PGBD5: variants seen among roughly 807,000 people sequenced by gnomAD.
PGBD5 encodes the protein piggyBac transposable element derived 5.
In PGBD5, 14 loss-of-function variants were observed where a neutral mutation model predicts 47.9. The ratio of observed to expected loss-of-function variants is 0.29; its 90% CI spans 0.19 to 0.46. PGBD5 has a LOEUF of 0.46. Ranked by LOEUF, PGBD5 falls within the 20% of genes least tolerant of loss-of-function variation. The probability of loss-of-function intolerance (pLI) is 1.00; values close to 1 mark genes in which losing one functional copy is unlikely to be tolerated. For missense variants in PGBD5, 635 were observed against 716.0 expected, an observed-to-expected ratio of 0.89 and a Z score of 1.29; for synonymous variants, 316 against 306.3, an observed-to-expected ratio of 1.03 and a Z score of -0.33.
intron 5 of PGBD5, among the ~76,000 whole-genome samples, chr1:230,329,741 G>A (rs1442613045): frequency 6.6e-6 from 1 of 152,206 alleles, no homozygotes; most frequent in Non-Finnish European, 1.5e-5. Context: ...AGGCACAGAG[G>A]TGCAGCTGCT....
intron 1 of PGBD5, among the ~76,000 whole-genome samples, chr1:230,423,193 T>C (rs1333045871): frequency 6.6e-6 from 1 of 152,202 alleles, no homozygotes; most frequent in Non-Finnish European, 1.5e-5. Flanking sequence ...CAAATCTCGA[T>C]TCTGTGCTTT....
intron 1 of PGBD5, among the ~76,000 whole-genome samples, chr1:230,375,963 T>C (rs1041137968): frequency 6.6e-6 from 1 of 151,780 alleles, no homozygotes; most frequent in Non-Finnish European, 1.5e-5. Flanking sequence ...CCGCCTACCT[T>C]GCAGAGCTGT....
intron 1 of PGBD5, among the ~76,000 whole-genome samples, chr1:230,386,289 A>G (rs530815333): frequency 1.3e-5 from 2 of 151,556 alleles, no homozygotes; most frequent in African/African-American, 4.8e-5. Context: ...ACTGCACTCC[A>G]GCCAGGGTGA....
intron 1 of PGBD5, among the ~76,000 whole-genome samples, chr1:230,360,012 C>A (rs1340469503): frequency 6.6e-6 from 1 of 152,182 alleles, no homozygotes; most frequent in Admixed American, 6.5e-5. Flanking sequence ...TAATGAAAAT[C>A]ATTTTATTTC....
intron 1 of PGBD5, among the ~76,000 whole-genome samples, chr1:230,375,544 A>G (rs1181844874): frequency 6.6e-6 from 1 of 152,184 alleles, no homozygotes; most frequent in African/African-American, 2.4e-5. Flanking sequence ...AGATGTACAA[A>G]GGAAAATAAC....
intron 1 of PGBD5, among the ~76,000 whole-genome samples, chr1:230,375,682 A>G (rs549061145): frequency 8.6e-6 from 1 of 115,848 alleles, no homozygotes; most frequent in African/African-American, 3.6e-5. Context: ...TTTTTTTAGT[A>G]CATGGAATAA....
At chr1:230,327,054 G>A (rs920668502) in intron 5 of PGBD5, among the ~76,000 whole-genome samples, 6 of 151,732 alleles carry the variant, frequency 4.0e-5, no homozygotes, top group Admixed American at 6.6e-5. Context: ...TCCCAGGCCT[G>A]CCCTATGCGC....
In PGBD5 at chr1:230,319,114, C is replaced by T. The variant is rs1176385833; in HGVS notation, c.*4311G>A. 5.3e-5 allele frequency: 8 copies of T among 152,258 alleles called. No individual in the cohort carries two copies. The highest frequency in any genetic ancestry group is 1.9e-4 in the East Asian group (1 of 5,190). 9.4% of individuals were successfully genotyped at this position (152,258 alleles called of 1,614,324 possible). On this transcript the variant is annotated 3_prime_UTR_variant, in exon 7 of 7. Coordinates refer to ENST00000391860, the MANE Select transcript of PGBD5 (RefSeq NM_001258311.2). Reference sequence around the variant, plus strand: ...CAGCCAGTGCCCACAGCAGTTAGGACGCGGCCTCCTGCGTCAGGCAAACCC... The same window carrying T: ...CAGCCAGTGCCCACAGCAGTTAGGATGCGGCCTCCTGCGTCAGGCAAACCC...
At chr1:230,419,045 T>C (rs906653944) in intron 1 of PGBD5, among the ~76,000 whole-genome samples, 2 of 152,192 alleles carry the variant, frequency 1.3e-5, no homozygotes, top group African/African-American at 4.8e-5. Flanking sequence ...GACCCAGCCA[T>C]CCCATTACTG....
chr1:230,327,216 AT>A (rs752888686), intron 5 of PGBD5, among the ~76,000 whole-genome samples: 5,792 of 147,374 alleles, frequency 0.039, 139 homozygotes, highest in South Asian at 0.073. Context: ...ATTTTTCTGT[AT>A]TTTTTTTTTT....
At chr1:230,393,984 C>T (rs1656858081) in intron 1 of PGBD5, among the ~76,000 whole-genome samples, 1 of 152,114 alleles carries the variant, frequency 6.6e-6, no homozygotes, top group Admixed American at 6.5e-5. Flanking sequence ...AGCTCTCCCA[C>T]TCTTCTGGCT....
intron 1 of PGBD5, among the ~76,000 whole-genome samples, chr1:230,415,656 T>G (rs746140101): frequency 2.0e-5 from 3 of 152,178 alleles, no homozygotes; most frequent in Non-Finnish European, 2.9e-5. Context: ...CAGACCTCAG[T>G]GAGAACGTCT....
intron 1 of PGBD5, among the ~76,000 whole-genome samples, chr1:230,398,425 A>G (rs1212903357): frequency 6.6e-6 from 1 of 152,128 alleles, no homozygotes; most frequent in African/African-American, 2.4e-5. Context: ...GACACCAATC[A>G]GATTGGATTA....
chr1:230,411,357 A>T (rs544193404), intron 1 of PGBD5, among the ~76,000 whole-genome samples: 1 of 152,340 alleles, frequency 6.6e-6, no homozygotes, highest in South Asian at 2.1e-4. Context: ...AGCAGGTATA[A>T]AAAAGCAAAC....
intron 6 of PGBD5, among the ~76,000 whole-genome samples, chr1:230,324,755 C>A (rs1005247918): frequency 1.3e-5 from 2 of 152,138 alleles, no homozygotes; most frequent in African/African-American, 4.8e-5. Flanking sequence ...GGTGTCTGGA[C>A]GTCCGCACAT....
Position 230,341,529 on chromosome 1 carries a change from C to G in PGBD5, c.895-4241G>C, listed in dbSNP as rs553879299. Among the ~76,000 whole-genome samples, 60 of 152,310 alleles carry G rather than the reference C, an allele frequency of 3.9e-4. No individual in the cohort carries two copies. The South Asian group carries it at 0.012, about 30-fold the overall frequency. Reference sequence around the variant, plus strand: ...GGAATCCTGCCAGTAATCTGAGAAACAGCAGAATCACTGGGAACCCACACA... The same window carrying G: ...GGAATCCTGCCAGTAATCTGAGAAAGAGCAGAATCACTGGGAACCCACACA... On this transcript the variant is annotated intron_variant, in intron 3 of 6. Coordinates refer to ENST00000391860, the MANE Select transcript of PGBD5 (RefSeq NM_001258311.2).
At position 230,321,896 on chromosome 1, in the gene PGBD5, T is replaced by C. The variant is rs1011286832; in HGVS notation, c.*1529A>G. 2.0e-5 allele frequency: 3 copies of C among 152,584 alleles called. No individual in the cohort carries two copies. The highest frequency in any genetic ancestry group is 4.8e-5 in the African/African-American group (2 of 41,434). 9.5% of individuals were successfully genotyped at this position (152,584 alleles called of 1,614,324 possible). ...TTTGGCCTGCAATCCGTGGCATCGA[T>C]TCCAACCACAGGGCGGGGGAGTCAC... On this transcript the variant is annotated 3_prime_UTR_variant, in exon 7 of 7. Transcript: ENST00000391860.
At chr1:230,331,349 AAGGCTGC>A (rs1384594898) in intron 5 of PGBD5, among the ~76,000 whole-genome samples, 1 of 152,108 alleles carries the variant, frequency 6.6e-6, no homozygotes, top group East Asian at 1.9e-4. Context: ...TCAGGAATTC[AAGGCTGC>A]AGTGAGCTAT....
intron 1 of PGBD5, chr1:230,377,551 T>C (rs1315004167): frequency 1.2e-6 from 2 of 1,611,124 alleles, no homozygotes; most frequent in Admixed American, 3.3e-5. Flanking sequence ...GCTGAGCAAC[T>C]GCAGCTCAGG....
Sources: allele counts gnomAD v4.1 joint callset (sites outside exome capture counted in the v4.1 genomes callset), GRCh38; gene constraint gnomAD v4.1.1; transcripts MANE v1.5; gene names NCBI Gene and HGNC (gene_info 2026-07-23, HGNC 2026-07-21).